Variants in SLC11A2 observed in about 807,000 individuals in gnomAD.
SLC11A2 encodes the protein solute carrier family 11 member 2, also known as natural resistance-associated macrophage protein 2.
A neutral mutation model predicts 68.0 loss-of-function variants in SLC11A2; 38 were observed. The observed-to-expected ratio is 0.56, with a 90% CI of 0.43 to 0.73. The LOEUF is 0.73. Among genes scored for constraint, SLC11A2 ranks in the 30% least tolerant of loss-of-function variants. SLC11A2 has a pLI of 0.00. For synonymous variants in SLC11A2, 242 were observed against 250.6 expected (o/e 0.97, Z 0.32); for missense variants, 517 against 690.5 (o/e 0.75, Z 2.82).
At chr12:50,961,592 T>C in the SLC11A2 span, among the ~76,000 whole-genome samples, 1 of 152,286 alleles carries the variant, frequency 6.6e-6, no homozygotes, top group Non-Finnish European at 1.5e-5. Flanking sequence ...TTTTTATTAG[T>C]CCATAAATTA....
chr12:50,991,378 G>A (rs561770302), intron 14 of SLC11A2: 27 of 589,044 alleles, frequency 4.6e-5, no homozygotes, highest in South Asian at 1.8e-4. Context: ...GAGTTATGCT[G>A]TAAAAGCTGA....
chr12:51,026,151 G>A, intron 1 of SLC11A2, 159 bp downstream of exon 1: 6 of 1,155,648 alleles, frequency 5.2e-6, no homozygotes, highest in Non-Finnish European at 6.5e-6. Flanking sequence ...TGGGCCTGAG[G>A]CCCTCCCTGG....
intron 15 of SLC11A2, among the ~76,000 whole-genome samples, chr12:50,989,294 A>C (rs1385972058): frequency 1.3e-5 from 2 of 152,190 alleles, no homozygotes; most frequent in Non-Finnish European, 2.9e-5. Flanking sequence ...GTTTGAGACC[A>C]GCCTGGCCAA....
chr12:50,976,299 C>T, downstream of SLC11A2, among the ~76,000 whole-genome samples: 1 of 152,188 alleles, frequency 6.6e-6, no homozygotes, highest in East Asian at 1.9e-4. Flanking sequence ...CCACCTTGAT[C>T]AAGTGGGCTT....
At chr12:50,981,914 C>G (rs1012135567), downstream of SLC11A2, 3 of 525,894 alleles carry the variant, frequency 5.7e-6, no homozygotes, top group Non-Finnish European at 9.8e-6. Context: ...TTCTGTACTG[C>G]TATATTGATT....
intron 5 of SLC11A2, chr12:51,000,778 T>C (rs892335944): frequency 2.4e-5 from 14 of 574,218 alleles, no homozygotes; most frequent in Non-Finnish European, 4.3e-5. Flanking sequence ...AGGATGCTAA[T>C]ACGGTCCAAA....
At chr12:50,971,579 T>A in the SLC11A2 span, among the ~76,000 whole-genome samples, 3 of 152,232 alleles carry the variant, frequency 2.0e-5, no homozygotes, top group African/African-American at 7.2e-5. Flanking sequence ...AGGTTAAGTT[T>A]ACCTGTGGCC....
the SLC11A2 span, among the ~76,000 whole-genome samples, chr12:50,958,721 G>A: frequency 1.3e-5 from 2 of 151,364 alleles, no homozygotes; most frequent in Admixed American, 1.3e-4. Flanking sequence ...AAAGAATAGA[G>A]AACCCAAAAA....
chr12:51,008,287 G>C, intron 3 of SLC11A2, 189 bp downstream of exon 3: 2 of 546,082 alleles, frequency 3.7e-6, no homozygotes, highest in Non-Finnish European at 6.6e-6. Flanking sequence ...GACAGAGATA[G>C]ATAGATATAG....
downstream of SLC11A2, chr12:50,981,898 C>CT (rs1940054910): frequency 1.6e-6 from 1 of 637,558 alleles, no homozygotes; most frequent in Non-Finnish European, 2.6e-6. Flanking sequence ...CAATTTAGGC[C>CT]TTTTTTTCTG....
At chr12:50,997,678 T>C (rs1163438132) in intron 8 of SLC11A2, among the ~76,000 whole-genome samples, 2 of 864 alleles carry the variant, frequency 2.3e-3, no homozygotes, top group Non-Finnish European at 5.3e-3. Context: ...AGACTCTGTC[T>C]CAAAAAAAAA....
At chr12:50,974,922 T>G (rs1317690522), downstream of SLC11A2, among the ~76,000 whole-genome samples, 1 of 152,188 alleles carries the variant, frequency 6.6e-6, no homozygotes, top group Non-Finnish European at 1.5e-5. Flanking sequence ...AAGGGATCAA[T>G]TCAACAAGAA....
chr12:50,962,433 C>G, the SLC11A2 span, among the ~76,000 whole-genome samples: 1 of 151,482 alleles, frequency 6.6e-6, no homozygotes, highest in Non-Finnish European at 1.5e-5. Context: ...GGCACGGTGG[C>G]TCATGCCTGT....
the SLC11A2 span, among the ~76,000 whole-genome samples, chr12:50,963,763 G>T: frequency 6.6e-6 from 1 of 152,172 alleles, no homozygotes; most frequent in Non-Finnish European, 1.5e-5. Context: ...TCTCATACAG[G>T]ATGTCTCTTT....
At chr12:51,003,192 G>A (rs549188214) in intron 5 of SLC11A2, among the ~76,000 whole-genome samples, 130 of 151,666 alleles carry the variant, frequency 8.6e-4, no homozygotes, top group Non-Finnish European at 1.1e-3. Flanking sequence ...CTGAGATCAC[G>A]CCACTGCACT....
chr12:51,026,207 C>T (rs946118957), intron 1 of SLC11A2, 103 bp downstream of exon 1: 11 of 1,205,580 alleles, frequency 9.1e-6, no homozygotes, highest in Middle Eastern at 3.6e-4. Context: ...GTGTCGCATC[C>T]TAGCCCCGGA....
Position 50,996,816 on chromosome 12 carries a change from C to T in SLC11A2, c.831+1G>A. The T allele has an allele frequency of 1.2e-6, 2 of 1,614,042 alleles. No individual in the cohort carries two copies. The highest frequency in any genetic ancestry group is 1.1e-5 in the South Asian group (1 of 91,076). On this transcript the variant is annotated splice_donor_variant, in intron 9 of 15. Coordinates refer to ENST00000262052, the MANE Select transcript of SLC11A2 (RefSeq NM_000617.3). LOFTEE classifies it high-confidence loss of function. ...GTGAAGGAGATAAGGGCCTTGCTCA[C>T]CTTGACTAAGGCAGAATGCAGGTAC...
intron 5 of SLC11A2, among the ~76,000 whole-genome samples, chr12:51,002,159 G>T (rs7314541): frequency 2.0e-3 from 310 of 152,152 alleles, no homozygotes; most frequent in African/African-American, 7.1e-3. Flanking sequence ...CCCAGCCTTG[G>T]CAACATGGCA....
the SLC11A2 span, among the ~76,000 whole-genome samples, chr12:50,969,702 C>CAA: frequency 0.19 from 20,893 of 112,452 alleles, 1,719 homozygotes; most frequent in South Asian, 0.32. Flanking sequence ...GACTCCATCT[C>CAA]AAAAAAAAAA....
Sources: gnomAD v4.1 joint callset for allele counts (sites outside exome capture counted in the v4.1 genomes callset) on GRCh38, gnomAD v4.1.1 for gene constraint, MANE v1.5 for transcripts, NCBI Gene and HGNC (gene_info 2026-07-23, HGNC 2026-07-21) for gene names.